Variants in ABCC5 observed in about 807,000 individuals in gnomAD.
The protein encoded by ABCC5 is ATP binding cassette subfamily C member 5, also known as ATP-binding cassette sub-family C member 5.
A neutral mutation model predicts 160.9 loss-of-function variants in ABCC5; 61 were observed. The observed-to-expected ratio is 0.38, with a 90% CI of 0.31 to 0.47. The LOEUF (loss-of-function observed/expected upper bound fraction) is 0.47. ABCC5 is among the 20% of genes least tolerant of loss of function. ABCC5 has a pLI of 0.99. For missense variants in ABCC5, 1,308 were observed against 1,813.3 expected, an observed-to-expected ratio of 0.72 and a Z score of 5.06; for synonymous variants, 666 against 700.6, an observed-to-expected ratio of 0.95 and a Z score of 0.78.
chr3:183,978,786 G>T, intron 8 of ABCC5, 135 bp from the exon 9 acceptor site: 1 of 945,730 alleles, frequency 1.1e-6, no homozygotes, highest in Non-Finnish European at 1.5e-6. Context: ...TACCACTAAA[G>T]CTGGTATAAA....
intron 26 of ABCC5, among the ~76,000 whole-genome samples, chr3:183,934,800 A>G (rs1713528341): frequency 6.6e-6 from 1 of 151,972 alleles, no homozygotes; most frequent in Non-Finnish European, 1.5e-5. Flanking sequence ...TATAGGCATA[A>G]GCCACCGCAC....
chr3:183,971,436 G>T (rs1042105948), intron 11 of ABCC5, 127 bp downstream of exon 11: 3 of 775,868 alleles, frequency 3.9e-6, no homozygotes, highest in Non-Finnish European at 6.2e-6. Flanking sequence ...GGTCTAATTT[G>T]CTCTTTAGTT....
chr3:183,940,653 C>G (rs956840549), intron 25 of ABCC5, among the ~76,000 whole-genome samples: 3 of 151,778 alleles, frequency 2.0e-5, no homozygotes, highest in Non-Finnish European at 4.4e-5. Context: ...ACAAAAGGTG[C>G]CTAGGTTTGG....
intron 2 of ABCC5, among the ~76,000 whole-genome samples, chr3:184,013,523 G>T (rs1181661922): frequency 6.6e-6 from 1 of 152,178 alleles, no homozygotes; most frequent in South Asian, 2.1e-4. Context: ...CAAAGTGCTG[G>T]GATTACAAGC....
chr3:183,929,869 G>A (rs1321172800), intron 26 of ABCC5, among the ~76,000 whole-genome samples: 1 of 152,076 alleles, frequency 6.6e-6, no homozygotes. Context: ...GAGCCTACCT[G>A]GGCCTCCCAA....
At chr3:183,944,463 T>C (rs1180171290) in intron 24 of ABCC5, among the ~76,000 whole-genome samples, 1 of 150,384 alleles carries the variant, frequency 6.6e-6, no homozygotes, top group Non-Finnish European at 1.5e-5. Context: ...TTCAAAACTA[T>C]GTTTCAAAGT....
chr3:183,978,534 A>G lies in ABCC5; in HGVS notation c.1265T>C (p.Met422Thr). The G allele has an allele frequency of 6.2e-7, 1 of 1,614,160 alleles. No homozygotes were observed. The highest frequency in any genetic ancestry group is 8.5e-7 in the Non-Finnish European group (1 of 1,180,026). ...IASVVTFSVH[M>T]TLGFDLTAAQ... ...TGCTGTCAGATCGAAGCCCAGGGTC[A>G]TATGAACAGAGAAGGTCACCACGCT... is the stretch of plus-strand genomic sequence containing the variant. The change falls in exon 9 of 30, where the codon ATG (methionine) becomes ACG (threonine). Residue 422 changes from methionine (M) to threonine (T), a missense_variant. Met to Thr is a moderately conservative substitution (Grantham distance 81). Transcript: ENST00000334444.
At chr3:183,922,569 G>A (rs1276402079) in intron 29 of ABCC5, among the ~76,000 whole-genome samples, 1 of 152,176 alleles carries the variant, frequency 6.6e-6, no homozygotes, top group African/African-American at 2.4e-5. Context: ...GACTTAGTCA[G>A]GTGGCCATTC....
intron 2 of ABCC5, among the ~76,000 whole-genome samples, chr3:184,012,115 G>T (rs1007682933): frequency 1.6e-4 from 24 of 151,832 alleles, no homozygotes; most frequent in Admixed American, 6.6e-5. Context: ...TCATTATCCT[G>T]TTGTGATACT....
intron 1 of ABCC5, among the ~76,000 whole-genome samples, chr3:184,015,467 T>C (rs73048485): frequency 6.9e-4 from 105 of 152,330 alleles, no homozygotes; most frequent in African/African-American, 2.4e-3. Context: ...TCCCTGGCTA[T>C]CGCTGTGACT....
rs1369821907 is a variant in ABCC5, at chr3:183,980,718, T to TG, written c.1147+1008_1147+1009insC. Reference sequence around the variant, plus strand: ...CCTTGCTCTGAACACTGTTTTGTTTTTTTTTTTTTTTTTTGAGACAGTCTC... The same window carrying TG: ...CCTTGCTCTGAACACTGTTTTGTTTTGTTTTTTTTTTTTTTGAGACAGTCTC... On this transcript the variant is annotated intron_variant, in intron 8 of 29. Coordinates refer to ENST00000334444, the MANE Select transcript of ABCC5 (RefSeq NM_005688.4). Among the ~76,000 whole-genome samples, 772 of 130,010 alleles carry TG rather than the reference T, an allele frequency of 5.9e-3. 7 individuals are homozygous for TG. Among genetic ancestry groups the TG allele is most frequent in the African/African-American group, 0.024 (532 of 22,356 alleles). The allele number at this position is 130,010 out of a possible 152,430, so 85.3% of individuals were successfully genotyped here. A position where few individuals can be genotyped will look rare whatever the true frequency, so the allele number is the denominator to read the frequency against.
intron 1 of ABCC5, among the ~76,000 whole-genome samples, chr3:184,016,676 T>A (rs1256448435): frequency 1.3e-5 from 2 of 152,192 alleles, no homozygotes; most frequent in African/African-American, 4.8e-5. Flanking sequence ...GGATTTTTGT[T>A]TGTAAAAAAC....
At chr3:183,940,462 G>GAAAAAAA (rs537025178) in intron 25 of ABCC5, among the ~76,000 whole-genome samples, 7 of 64,620 alleles carry the variant, frequency 1.1e-4, no homozygotes, top group South Asian at 7.1e-4. Context: ...TCTGTCTCAG[G>GAAAAAAA]AAAAAAAAAA....
intron 17 of ABCC5, among the ~76,000 whole-genome samples, chr3:183,956,038 TCA>T (rs1443737965): frequency 7.0e-6 from 1 of 142,552 alleles, no homozygotes; most frequent in African/African-American, 2.6e-5. Flanking sequence ...GTATATCACA[TCA>T]GTTACATGCA....
Position 183,965,290 on chromosome 3 carries a change from C to T in ABCC5, c.1959-33G>A, listed in dbSNP as rs375347107. 2.7e-5 allele frequency: 44 copies of T among 1,613,976 alleles called. No homozygotes were observed. The African/African-American group carries it at 4.3e-4, about 16-fold the overall frequency. ...ACACAAAGAGACAGCGTCAGGGACA[C>T]GGCGGGAGCAGAGCCTGCTGACTAG... On this transcript the variant is annotated intron_variant, in intron 13 of 29. Transcript: ENST00000334444.
At chr3:183,941,115 C>T (rs964864290) in intron 25 of ABCC5, among the ~76,000 whole-genome samples, 19 of 152,230 alleles carry the variant, frequency 1.2e-4, no homozygotes, top group Non-Finnish European at 2.2e-4. Flanking sequence ...CAGCCTGGGC[C>T]TCCCAGAGTG....
chr3:184,003,081 CT>C (rs1337789579), intron 2 of ABCC5, among the ~76,000 whole-genome samples: 1 of 152,150 alleles, frequency 6.6e-6, no homozygotes, highest in Admixed American at 6.5e-5. Context: ...ATACATCCTT[CT>C]GGCCAAGAAA....
At chr3:184,007,159 T>C (rs1368267247) in intron 2 of ABCC5, among the ~76,000 whole-genome samples, 1 of 151,380 alleles carries the variant, frequency 6.6e-6, no homozygotes, top group Non-Finnish European at 1.5e-5. Context: ...TAGCTGGGAC[T>C]ACAGGTGCAT....
chr3:184,008,844 T>A (rs1344133303), intron 2 of ABCC5, among the ~76,000 whole-genome samples: 1 of 151,902 alleles, frequency 6.6e-6, no homozygotes, highest in Non-Finnish European at 1.5e-5. Context: ...TGACACCATT[T>A]CTTTTCTTTC....
Sources: gnomAD v4.1 joint callset for allele counts (sites outside exome capture counted in the v4.1 genomes callset) on GRCh38, gnomAD v4.1.1 for gene constraint, MANE v1.5 for transcripts, NCBI Gene and HGNC (gene_info 2026-07-23, HGNC 2026-07-21) for gene names.